SZT2: variants seen among roughly 807,000 people sequenced by gnomAD.
SZT2 encodes KICSTOR complex protein SZT2.
Under a neutral mutation model 404.2 loss-of-function variants are expected in SZT2, and 216 were observed. That is an observed-to-expected ratio of 0.53 (90% CI 0.48 to 0.60). The LOEUF (loss-of-function observed/expected upper bound fraction) is 0.60. SZT2 is among the 20% of genes least tolerant of loss of function. The probability of loss-of-function intolerance (pLI) is 0.00; values close to 1 mark genes in which losing one functional copy is unlikely to be tolerated. For missense variants in SZT2, 3,857 were observed against 4,459.2 expected, an observed-to-expected ratio of 0.86 and a Z score of 3.85; for synonymous variants, 1,693 against 1,749.9, an observed-to-expected ratio of 0.97 and a Z score of 0.81.
Position 43,453,277 on chromosome 1 carries a change from A to G in SZT2, c.*2797A>G. Reference sequence around the variant, plus strand: ...GGACCAGGACCGCAGAGGCAGAGATAAACCAGTGGGCTCAGACTTCTGAGC... The same window carrying G: ...GGACCAGGACCGCAGAGGCAGAGATGAACCAGTGGGCTCAGACTTCTGAGC... On this transcript the variant is annotated 3_prime_UTR_variant, in exon 72 of 72. Coordinates refer to ENST00000634258, the MANE Select transcript of SZT2 (RefSeq NM_001365999.1). 2.7e-6 allele frequency: 2 copies of G among 739,366 alleles called. No individual in the cohort carries two copies. Among genetic ancestry groups the G allele is most frequent in the South Asian group, 1.8e-5 (1 of 55,610 alleles). The allele number at this position is 739,366 out of a possible 1,614,324, so 45.8% of individuals were successfully genotyped here.
At chr1:43,397,066 A>C (rs1415895754) in intron 1 of SZT2, among the ~76,000 whole-genome samples, 1 of 152,216 alleles carries the variant, frequency 6.6e-6, no homozygotes, top group Non-Finnish European at 1.5e-5. Context: ...TTGTTCATAC[A>C]TGTATTCAAC....
In SZT2 at chr1:43,439,414, G is replaced by A. The variant is rs372403979; in HGVS notation, c.6849G>A (p.Lys2283=). 14 of 1,612,986 alleles carry A rather than the reference G, an allele frequency of 8.7e-6. No individual in the cohort carries two copies. In the East Asian group the frequency reaches 2.4e-4, roughly 28 times the overall value. ...ACTTGGACATCTACTTGTATAACAA[G>A]CCTGGTGGACAGGGCACTGGGGGCA... is the stretch of plus-strand genomic sequence containing the variant. The part of the protein sequence containing the change: ...LPDLDIYLYN[K]PGGQGTGGKG... Residue 2283 remains lysine, a synonymous_variant, in exon 49 of 72, where the codon AAG becomes AAA. Coordinates refer to ENST00000634258, the MANE Select transcript of SZT2 (RefSeq NM_001365999.1). The surrounding 1 kb of genome is among the most constrained non-coding windows in gnomAD (Gnocchi z 4.2).
rs572909512 is a variant in SZT2, at chr1:43,425,575, G to T, written c.2747G>T (p.Arg916Leu). ...GTGTGGGTGGAGCCACAGTATGGGC[G>T]AGTGGGACCTGGCCCTGGAATCTGG... Reference protein sequence around the residue: ...TEVWVEPQYGRVGPGPGIWKH... With the variant: ...TEVWVEPQYGLVGPGPGIWKH... The change falls in exon 19 of 72, where the codon CGA becomes CTA. Residue 916 changes from arginine to leucine, a missense_variant. Arg to Leu is a moderately radical substitution (Grantham distance 102, BLOSUM62 -2). This residue lies in a region of SZT2 where 1,725 missense variants were observed against 1,881.0 expected (regional missense o/e 0.92). Coordinates refer to ENST00000634258, the MANE Select transcript of SZT2 (RefSeq NM_001365999.1). The surrounding 1 kb of genome is among the most constrained non-coding windows in gnomAD (Gnocchi z 4.3). 3 of 1,614,216 alleles carry T rather than the reference G, an allele frequency of 1.9e-6. No homozygotes were observed. Among genetic ancestry groups the T allele is most frequent in the Admixed American group, 3.3e-5 (2 of 60,028 alleles).
rs1652236908 is a variant in SZT2, at chr1:43,420,612, C to G, written c.1262-137C>G. 4.2e-6 allele frequency: 4 copies of G among 954,022 alleles called. No individual in the cohort carries two copies. Among genetic ancestry groups the G allele is most frequent in the Non-Finnish European group, 4.6e-6 (3 of 654,878 alleles). 59.1% of individuals were successfully genotyped at this position (954,022 alleles called of 1,614,324 possible). ...TTGTGTCAGTGGGCCAACTCTGGGC[C>G]TGAAACCTGTGGAACCATGCTTGGA... On this transcript the variant is annotated intron_variant, in intron 9 of 71. Transcript: ENST00000634258. The surrounding 1 kb of genome is among the most constrained non-coding windows in gnomAD (Gnocchi z 5.1).
rs1655164294 is a variant in SZT2 at position 43,442,422 on chromosome 1, C to T, written c.7975-20C>T. ...AAGAGGGGTTCCGTGATCTCACTGA[C>T]CCTGACCCCCGACCTCCAGCTACAG... On this transcript the variant is annotated intron_variant, in intron 57 of 71. Transcript: ENST00000634258. This position sits in a 1 kb window ranked among gnomAD's most constrained non-coding sequence, Gnocchi z 4.5. 1 of 1,612,124 alleles carries T rather than the reference C, an allele frequency of 6.2e-7. No individual in the cohort carries two copies. The highest frequency in any genetic ancestry group is 8.5e-7 in the Non-Finnish European group (1 of 1,178,736).
At position 43,424,901 on chromosome 1, in the gene SZT2, T is replaced by A. The variant is rs1652958482; in HGVS notation, c.2550+39T>A. On this transcript the variant is annotated intron_variant, in intron 17 of 71. Transcript: ENST00000634258. The surrounding 1 kb of genome is among the most constrained non-coding windows in gnomAD (Gnocchi z 4.1). ...CCCATGACACCTCCCTGCCAAGGTCTGTCATAATCCCAGGGACACTCACCT... is the reference window on the plus strand; with the variant it reads ...CCCATGACACCTCCCTGCCAAGGTCAGTCATAATCCCAGGGACACTCACCT... The A allele has an allele frequency of 1.9e-6, 3 of 1,598,816 alleles. No homozygotes were observed. The East Asian group carries it at 6.7e-5, about 36-fold the overall frequency.
Position 43,437,647 on chromosome 1 carries a change from C to A in SZT2, c.6343C>A (p.Pro2115Thr), listed in dbSNP as rs147309177. ...GCCATGGAAAGGGGATGCGCTGCCC[C>A]CTTCCCTCGCTCTGTCCCGAAGCCA... is the stretch of plus-strand genomic sequence containing the variant. The part of the protein sequence containing the change: ...DRPWKGDALP[P>T]SLALSRSQEP... The change falls in exon 45 of 72, where the codon CCT becomes ACT. Residue 2115 changes from proline to threonine, a missense_variant. Transcript: ENST00000634258. This position sits in a 1 kb window ranked among gnomAD's most constrained non-coding sequence, Gnocchi z 5.3. 6.2e-7 allele frequency: 1 copy of A among 1,614,004 alleles called. No individual in the cohort carries two copies. The highest frequency in any genetic ancestry group is 1.3e-5 in the African/African-American group (1 of 74,920).
Position 43,424,975 on chromosome 1 carries a change from C to T in SZT2, c.2550+113C>T, listed in dbSNP as rs1652967958. ...AAACTGCCTCACAGGGACCCTGTGG[C>T]CAGAGGATGCTCAAGGTCTGAGGCT... On this transcript the variant is annotated intron_variant, in intron 17 of 71. Transcript: ENST00000634258. The surrounding 1 kb of genome is among the most constrained non-coding windows in gnomAD (Gnocchi z 4.1). 1.5e-5 allele frequency: 22 copies of T among 1,474,252 alleles called. No individual in the cohort carries two copies. In the South Asian group the frequency reaches 2.6e-4, roughly 17 times the overall value. 91.3% of individuals were successfully genotyped at this position (1,474,252 alleles called of 1,614,324 possible).
intron 62 of SZT2, 31 bp from the exon 63 acceptor site, chr1:43,445,863 T>G (rs1381389973): frequency 2.5e-6 from 4 of 1,605,850 alleles, no homozygotes; most frequent in African/African-American, 2.7e-5. Context: ...CTAGCCTGCC[T>G]CATCCTCTTA....
chr1:43,389,945 G>T lies in SZT2; in HGVS notation c.-24G>T. ...AAGAGTGGAACACCCTCACTGGCCC[G>T]GGCCGGCGCGGGAGGGCTGTGTGAT... On this transcript the variant is annotated 5_prime_UTR_variant, in exon 1 of 72. Coordinates refer to ENST00000634258, the MANE Select transcript of SZT2 (RefSeq NM_001365999.1). 1.4e-6 allele frequency: 2 copies of T among 1,464,152 alleles called. No homozygotes were observed. The highest frequency in any genetic ancestry group is 1.3e-5 in the South Asian group (1 of 74,664). 90.7% of individuals were successfully genotyped at this position (1,464,152 alleles called of 1,614,324 possible).
chr1:43,423,400 A>C, intron 15 of SZT2, 84 bp downstream of exon 15: 1 of 1,323,654 alleles, frequency 7.6e-7, no homozygotes. Flanking sequence ...GCCCGGTGTG[A>C]GTAGTATAGA....
chr1:43,452,407 G>T lies in SZT2; in HGVS notation c.*1927G>T. The stretch of plus-strand genomic sequence containing the variant: ...TCCCTGACTGTGCCAGCCCTCGTCC[G>T]TCTCCCCAGGTCTCCAGTCCATGGC... On this transcript the variant is annotated 3_prime_UTR_variant, in exon 72 of 72. Coordinates refer to ENST00000634258, the MANE Select transcript of SZT2 (RefSeq NM_001365999.1). 2.0e-6 allele frequency: 2 copies of T among 987,132 alleles called. No homozygotes were observed. The highest frequency in any genetic ancestry group is 3.2e-6 in the Non-Finnish European group (2 of 631,194). 61.1% of individuals were successfully genotyped at this position (987,132 alleles called of 1,614,324 possible).
rs767625869 is a variant in SZT2, at chr1:43,389,933, C to T, written c.-36C>T. 8.7e-6 allele frequency: 13 copies of T among 1,489,184 alleles called. No individual in the cohort carries two copies. The highest frequency in any genetic ancestry group is 2.2e-5 in the Admixed American group (1 of 45,198). 92.2% of individuals were successfully genotyped at this position (1,489,184 alleles called of 1,614,324 possible). A position where few individuals can be genotyped will look rare whatever the true frequency, so the allele number is the denominator to read the frequency against. On this transcript the variant is annotated 5_prime_UTR_variant, in exon 1 of 72. Transcript: ENST00000634258. Reference sequence around the variant, plus strand: ...AGGTCAGGGGTCAAGAGTGGAACACCCTCACTGGCCCGGGCCGGCGCGGGA... The same window carrying T: ...AGGTCAGGGGTCAAGAGTGGAACACTCTCACTGGCCCGGGCCGGCGCGGGA...
rs114066368 is a variant in SZT2 at position 43,426,313 on chromosome 1, G to A, written c.3044-55G>A. 2,036 of 1,504,880 alleles carry A rather than the reference G, an allele frequency of 1.4e-3. 18 individuals carry two copies. In the African/African-American group the frequency reaches 0.025, roughly 18 times the overall value. The allele number at this position is 1,504,880 out of a possible 1,614,324, so 93.2% of individuals were successfully genotyped here. A position where few individuals can be genotyped will look rare whatever the true frequency, so the allele number is the denominator to read the frequency against. On this transcript the variant is annotated intron_variant, in intron 21 of 71. Coordinates refer to ENST00000634258, the MANE Select transcript of SZT2 (RefSeq NM_001365999.1). The surrounding 1 kb of genome is among the most constrained non-coding windows in gnomAD (Gnocchi z 4.9). ...GGGGCCAGCTGGTCAGGGCTGAGCC[G>A]GGGGCACCGGGCAGCAGGAGGCTCT...
At chr1:43,409,499 T>C in intron 4 of SZT2, 1 of 398,254 alleles carries the variant, frequency 2.5e-6, no homozygotes, top group Non-Finnish European at 4.9e-6. Context: ...GCAGATGATA[T>C]GATCTTTTAT....
At position 43,430,032 on chromosome 1, in the gene SZT2, C is replaced by T. The variant is rs751158218; in HGVS notation, c.4330C>T (p.Arg1444Cys). Residue 1444 changes from arginine (R) to cysteine (C), a missense_variant, in exon 30 of 72, where the codon CGT (arginine) becomes TGT (cysteine). Transcript: ENST00000634258. ...ACAGGAGAAGTTCCTAGAGATCAGT[C>T]GTCTCCACTTCCGCACAGTGCCTTC... ...VIQEKFLEISRLHFRTVPSNP... is the reference protein window; with the variant it reads ...VIQEKFLEISCLHFRTVPSNP... 6.0e-5 allele frequency: 97 copies of T among 1,614,020 alleles called. No individual in the cohort carries two copies. Among genetic ancestry groups the T allele is most frequent in the Non-Finnish European group, 7.8e-5 (92 of 1,180,030 alleles).
In SZT2 at chr1:43,424,094, G is replaced by A; in HGVS notation, c.2256-123G>A. The A allele has an allele frequency of 1.3e-6, 1 of 798,350 alleles. No individual in the cohort carries two copies. The allele number at this position is 798,350 out of a possible 1,614,324, so 49.5% of individuals were successfully genotyped here. A position where few individuals can be genotyped will look rare whatever the true frequency, so the allele number is the denominator to read the frequency against. On this transcript the variant is annotated intron_variant, in intron 15 of 71. Transcript: ENST00000634258. The surrounding 1 kb of genome is among the most constrained non-coding windows in gnomAD (Gnocchi z 4.1). ...GTGTGGAAGGGCGTGGCTTAGCCGG[G>A]TATCAGTGGTACAGAGGTGTGGAAG...
chr1:43,427,086 C>T lies in SZT2; in HGVS notation c.3340C>T (p.Leu1114Phe). 6.2e-7 allele frequency: 1 copy of T among 1,613,928 alleles called. No individual in the cohort carries two copies. The highest frequency in any genetic ancestry group is 8.5e-7 in the Non-Finnish European group (1 of 1,179,972). The change falls in exon 24 of 72, where the codon CTC becomes TTC. Residue 1114 changes from leucine (L) to phenylalanine (F), a missense_variant. Leu to Phe is a conservative substitution (Grantham distance 22, BLOSUM62 0). Around this residue, in one of 7 missense-constraint regions of SZT2, gnomAD observed 1,725 missense variants for 1,881.0 expected, o/e 0.92. Coordinates refer to ENST00000634258, the MANE Select transcript of SZT2 (RefSeq NM_001365999.1). The part of the protein sequence containing the change: ...SVGLPETLKP[L>F]ISAQPPQWRC... ...AGGTCTTCCTGAAACTCTCAAGCCTCTCATCTCTGCCCAGCCCCCTCAGTG... is the reference window on the plus strand; with the variant it reads ...AGGTCTTCCTGAAACTCTCAAGCCTTTCATCTCTGCCCAGCCCCCTCAGTG...
At position 43,453,464 on chromosome 1, in the gene SZT2, G is replaced by GC; in HGVS notation, c.*2989dup. 1 of 1,561,564 alleles carries GC rather than the reference G, an allele frequency of 6.4e-7. No homozygotes were observed. ...GAAGGCCGCCTGTCTCCCGGGGACG[G>GC]CCCCCAGCCCCATTTCCCCCTTCTC... is the stretch of plus-strand genomic sequence containing the variant. On this transcript the variant is annotated 3_prime_UTR_variant, in exon 72 of 72. Transcript: ENST00000634258.
Sources: allele counts gnomAD v4.1 joint callset (sites outside exome capture counted in the v4.1 genomes callset), GRCh38; gene constraint gnomAD v4.1.1; regional missense constraint gnomAD v4.1.1; non-coding constraint Gnocchi (gnomAD v3.1); transcripts MANE v1.5; gene names NCBI Gene and HGNC (gene_info 2026-07-23, HGNC 2026-07-21).